Variants in CHCHD3 observed in about 807,000 individuals in gnomAD.
CHCHD3 encodes the protein coiled-coil-helix-coiled-coil-helix domain containing 3.
CHCHD3 carries 20 observed loss-of-function variants against 38.2 expected under a neutral mutation model. The ratio of observed to expected loss-of-function variants is 0.52; its 90% confidence interval spans 0.37 to 0.76. CHCHD3 has a LOEUF of 0.76. Ranked by LOEUF, CHCHD3 falls within the 30% of genes least tolerant of loss-of-function variation. CHCHD3 has a pLI of 0.00. For synonymous variants in CHCHD3, 82 were observed against 100.0 expected (o/e 0.82, Z 1.07); for missense variants, 245 against 279.2 (o/e 0.88, Z 0.87).
At position 133,035,710 on chromosome 7, in the gene CHCHD3, C is replaced by CA; in HGVS notation, c.170-11084dup. On this transcript the variant is annotated intron_variant, in intron 2 of 7. Transcript: ENST00000262570. The surrounding 1 kb of genome is among the most constrained non-coding windows in gnomAD (Gnocchi z 4.7). Reference sequence around the variant, plus strand: ...ACATAGTAGGCAATGGCGTTGCTCTCAAACACACAGAATCCATCATCACCC... The same window carrying CA: ...ACATAGTAGGCAATGGCGTTGCTCTCAAAACACACAGAATCCATCATCACCC... 6.2e-7 allele frequency: 1 copy of CA among 1,613,456 alleles called. No individual in the cohort carries two copies.
At chr7:132,855,671 G>A (rs142548677) in intron 5 of CHCHD3, among the ~76,000 whole-genome samples, 3 of 152,068 alleles carry the variant, frequency 2.0e-5, no homozygotes, top group East Asian at 1.9e-4. Flanking sequence ...GCAGGATTCC[G>A]GAGTCTCTAA....
At chr7:133,011,607 T>C (rs1464824598) in intron 3 of CHCHD3, among the ~76,000 whole-genome samples, 4 of 152,070 alleles carry the variant, frequency 2.6e-5, no homozygotes, top group Admixed American at 6.5e-5. Context: ...AGAAGTCCCA[T>C]GGGGAAGGGA....
At chr7:132,794,752 C>A (rs1450216695) in intron 7 of CHCHD3, among the ~76,000 whole-genome samples, 1 of 152,014 alleles carries the variant, frequency 6.6e-6, no homozygotes, top group Admixed American at 6.6e-5. Flanking sequence ...TAAATTTCAG[C>A]ACAATAATGC....
intron 5 of CHCHD3, among the ~76,000 whole-genome samples, chr7:132,845,639 C>T (rs868450158): frequency 3.3e-5 from 5 of 152,268 alleles, no homozygotes; most frequent in African/African-American, 1.2e-4. Context: ...CCAAGACTTC[C>T]CAAGGCCTTG....
intron 4 of CHCHD3, among the ~76,000 whole-genome samples, chr7:132,968,971 C>T (rs1811543927): frequency 6.6e-6 from 1 of 152,092 alleles, no homozygotes; most frequent in Admixed American, 6.6e-5. Context: ...CAGTTTGAAG[C>T]ACAAACAAAA....
At chr7:132,909,577 A>G (rs1562904679) in intron 4 of CHCHD3, among the ~76,000 whole-genome samples, 1 of 152,188 alleles carries the variant, frequency 6.6e-6, no homozygotes, top group Non-Finnish European at 1.5e-5. Flanking sequence ...ATACACCTAC[A>G]ATACTATATA....
At position 132,867,017 on chromosome 7, in the gene CHCHD3, C is replaced by T. The variant is rs139914925; in HGVS notation, c.453+18645G>A. On this transcript the variant is annotated intron_variant, in intron 5 of 7. Coordinates refer to ENST00000262570, the MANE Select transcript of CHCHD3 (RefSeq NM_017812.4). The stretch of plus-strand genomic sequence containing the variant: ...GCATCACGCACACCTACCCACCATA[C>T]ACATACCATCATTTTCTCTCCTCTT... Among the ~76,000 whole-genome samples, 193 of 152,264 alleles carry T rather than the reference C, an allele frequency of 1.3e-3. 1 individual carries two copies. Among genetic ancestry groups the T allele is most frequent in the Middle Eastern group, 0.01 (3 of 294 alleles).
intron 2 of CHCHD3, among the ~76,000 whole-genome samples, chr7:133,061,321 G>A (rs191626370): frequency 1.6e-4 from 25 of 152,168 alleles, no homozygotes; most frequent in African/African-American, 6.0e-4. Flanking sequence ...CCAGACTAGG[G>A]CAATGACACC....
At chr7:132,965,847 AGG>A (rs1811451976) in intron 4 of CHCHD3, among the ~76,000 whole-genome samples, 1 of 152,256 alleles carries the variant, frequency 6.6e-6, no homozygotes, top group Admixed American at 6.5e-5. Context: ...AAACAGGCAG[AGG>A]GTAAGTATGG....
chr7:132,844,739 A>T (rs1013497900), intron 5 of CHCHD3, among the ~76,000 whole-genome samples: 1 of 152,222 alleles, frequency 6.6e-6, no homozygotes, highest in Admixed American at 6.5e-5. Context: ...ACCATCTGAT[A>T]AAGACTTGCA....
intron 3 of CHCHD3, among the ~76,000 whole-genome samples, chr7:133,009,536 AC>A (rs996467223): frequency 7.8e-6 from 1 of 128,054 alleles, no homozygotes; most frequent in African/African-American, 2.7e-5. Context: ...TCAGGTTACG[AC>A]AAAAAAAAAA....
intron 5 of CHCHD3, among the ~76,000 whole-genome samples, chr7:132,868,047 G>GT (rs1808674852): frequency 6.6e-6 from 1 of 152,096 alleles, no homozygotes; most frequent in South Asian, 2.1e-4. Context: ...GACAAGCTAG[G>GT]TTTAATCCTT....
intron 4 of CHCHD3, among the ~76,000 whole-genome samples, chr7:132,922,045 G>A (rs1216423217): frequency 6.6e-6 from 1 of 152,206 alleles, no homozygotes; most frequent in Non-Finnish European, 1.5e-5. Context: ...TTGATGTGAT[G>A]TATAGCTGAG....
intron 5 of CHCHD3, among the ~76,000 whole-genome samples, chr7:132,870,499 C>T (rs1362369407): frequency 6.6e-6 from 1 of 152,112 alleles, no homozygotes; most frequent in Non-Finnish European, 1.5e-5. Flanking sequence ...GAGACTGGTG[C>T]TGATAACTGA....
chr7:133,076,974 T>G (rs1815009361), intron 1 of CHCHD3, among the ~76,000 whole-genome samples: 1 of 152,122 alleles, frequency 6.6e-6, no homozygotes, highest in South Asian at 2.1e-4. Context: ...TCTGTGTGAG[T>G]ATTAGTTTGC....
At chr7:132,884,463 G>A (rs1374437142) in intron 5 of CHCHD3, among the ~76,000 whole-genome samples, 1 of 152,074 alleles carries the variant, frequency 6.6e-6, no homozygotes, top group Admixed American at 6.6e-5. Flanking sequence ...CAAGACCAGG[G>A]TGCTTAAGTA....
At chr7:132,856,041 G>C (rs1015962623) in intron 5 of CHCHD3, among the ~76,000 whole-genome samples, 4 of 152,136 alleles carry the variant, frequency 2.6e-5, no homozygotes, top group Admixed American at 1.3e-4. Context: ...TCTGAGAATT[G>C]TTCTTAGAAA....
intron 6 of CHCHD3, among the ~76,000 whole-genome samples, chr7:132,835,822 T>C (rs1448512381): frequency 6.6e-6 from 1 of 152,164 alleles, no homozygotes; most frequent in South Asian, 2.1e-4. Flanking sequence ...GATAATTAAA[T>C]TGTAGTGAGG....
At chr7:132,947,676 A>C (rs564076274) in intron 4 of CHCHD3, among the ~76,000 whole-genome samples, 1 of 152,130 alleles carries the variant, frequency 6.6e-6, no homozygotes, top group African/African-American at 2.4e-5. Context: ...ACTACATATA[A>C]CATTTGATAA....
Sources: gnomAD v4.1 joint callset for allele counts (sites outside exome capture counted in the v4.1 genomes callset) on GRCh38, gnomAD v4.1.1 for gene constraint, Gnocchi (gnomAD v3.1) non-coding constraint, MANE v1.5 for transcripts, NCBI Gene and HGNC (gene_info 2026-07-23, HGNC 2026-07-21) for gene names.